The following ADGRE1 variants were observed in gnomAD, a reference collection of about 807,000 sequenced individuals.
ADGRE1 encodes the protein EGF-like module receptor 1.
ADGRE1 carries 82 observed loss-of-function variants against 102.7 expected under a neutral mutation model. That is an observed-to-expected ratio of 0.80 (90% confidence interval 0.67 to 0.96). ADGRE1 has a LOEUF of 0.96. ADGRE1 is among the 40% of genes least tolerant of loss of function. The pLI is 0.00. For synonymous variants in ADGRE1, 398 were observed against 399.6 expected (o/e 1.00, Z 0.05); for missense variants, 1,032 against 1,085.3 (o/e 0.95, Z 0.69).
In ADGRE1 at chr19:6,916,291, A is replaced by C; in HGVS notation, c.1343A>C (p.Asn448Thr). 1 of 1,613,590 alleles carries C rather than the reference A, an allele frequency of 6.2e-7. No homozygotes were observed. Among genetic ancestry groups the C allele is most frequent in the Non-Finnish European group, 8.5e-7 (1 of 1,179,684 alleles). Residue 448 changes from asparagine to threonine, a missense_variant, in exon 12 of 21, where the codon AAT (asparagine) becomes ACT (threonine). Transcript: ENST00000312053. ...ATCAACAAAGAATGCAGTGAAGAGA[A>C]TGTGACGTTGGACTTGGTAGCCAAG... ...KVINKECSEENVTLDLVAKGD... is the reference protein window; with the variant it reads ...KVINKECSEETVTLDLVAKGD...
At chr19:6,928,081 A>T (rs1350131859) in intron 16 of ADGRE1, 64 bp from the exon 17 acceptor site, 2 of 1,549,806 alleles carry the variant, frequency 1.3e-6, no homozygotes, top group African/African-American at 2.7e-5. Context: ...ATTTGTTGGG[A>T]CAGGGTTAAC....
At chr19:6,937,458 C>A in intron 19 of ADGRE1, 47 bp downstream of exon 19, 2 of 1,508,814 alleles carry the variant, frequency 1.3e-6, no homozygotes, top group Non-Finnish European at 1.8e-6. Context: ...ATCCCCCTCT[C>A]CCCCCTTCCC....
At chr19:6,930,180 T>C (rs1975079988) in intron 17 of ADGRE1, among the ~76,000 whole-genome samples, 1 of 152,222 alleles carries the variant, frequency 6.6e-6, no homozygotes, top group African/African-American at 2.4e-5. Flanking sequence ...TTTTAAATCC[T>C]ATGTCATCTC....
chr19:6,913,891 G>A, intron 11 of ADGRE1, 61 bp downstream of exon 11: 1 of 1,486,456 alleles, frequency 6.7e-7, no homozygotes, highest in Non-Finnish European at 9.0e-7. Flanking sequence ...GTTGACTTTG[G>A]CAATGGGATA....
intron 2 of ADGRE1, among the ~76,000 whole-genome samples, chr19:6,893,542 A>G (rs559444402): frequency 2.0e-5 from 3 of 152,296 alleles, no homozygotes; most frequent in African/African-American, 7.2e-5. Flanking sequence ...TCTATTGAGT[A>G]CATATACGAC....
chr19:6,934,912 T>G (rs184966011), intron 17 of ADGRE1, 75 bp from the exon 18 acceptor site: 2 of 1,044,624 alleles, frequency 1.9e-6, no homozygotes, highest in African/African-American at 1.7e-5. Context: ...CAGCCCAGAG[T>G]TCTCTTTTTA....
intron 17 of ADGRE1, among the ~76,000 whole-genome samples, chr19:6,931,456 C>T (rs942605994): frequency 1.3e-5 from 2 of 152,194 alleles, no homozygotes; most frequent in Admixed American, 6.5e-5. Flanking sequence ...CCCATGACAA[C>T]ACGAGGGAGG....
chr19:6,917,209 C>G (rs1486346051), intron 12 of ADGRE1, among the ~76,000 whole-genome samples: 2 of 152,150 alleles, frequency 1.3e-5, no homozygotes, highest in Non-Finnish European at 2.9e-5. Flanking sequence ...TTTTCCAGCC[C>G]CTGATCTGAT....
At chr19:6,917,194 C>T (rs1974423183) in intron 12 of ADGRE1, among the ~76,000 whole-genome samples, 1 of 152,152 alleles carries the variant, frequency 6.6e-6, no homozygotes. Context: ...GCCCATAGGC[C>T]ACAGTTTTCC....
intron 20 of ADGRE1, among the ~76,000 whole-genome samples, chr19:6,938,427 G>T (rs989116417): frequency 6.6e-6 from 1 of 151,754 alleles, no homozygotes; most frequent in Non-Finnish European, 1.5e-5. Flanking sequence ...TATATATGTA[G>T]ATTTTCAGGA....
intron 13 of ADGRE1, among the ~76,000 whole-genome samples, chr19:6,920,455 G>A (rs1474390500): frequency 6.7e-5 from 10 of 148,696 alleles, no homozygotes; most frequent in African/African-American, 2.5e-4. Flanking sequence ...TCCTGACCTC[G>A]TGATCCGCCC....
intron 14 of ADGRE1, among the ~76,000 whole-genome samples, chr19:6,924,319 C>G (rs527538279): frequency 6.6e-6 from 1 of 152,080 alleles, no homozygotes; most frequent in Non-Finnish European, 1.5e-5. Flanking sequence ...TCCTGTCTGC[C>G]GAAAGCTGAT....
chr19:6,939,976 G>A (rs776203888), intron 20 of ADGRE1, 48 bp from the exon 21 acceptor site: 1 of 1,609,152 alleles, frequency 6.2e-7, no homozygotes, highest in Non-Finnish European at 8.5e-7. Context: ...AATCACGTTT[G>A]TATTAATTCT....
intron 12 of ADGRE1, among the ~76,000 whole-genome samples, chr19:6,918,371 G>A (rs1007778091): frequency 6.6e-6 from 1 of 152,042 alleles, no homozygotes; most frequent in Non-Finnish European, 1.5e-5. Flanking sequence ...AACCCGGAAG[G>A]CAGACGTTGC....
At chr19:6,893,476 C>T (rs574252517) in intron 2 of ADGRE1, among the ~76,000 whole-genome samples, 173 of 152,352 alleles carry the variant, frequency 1.1e-3, no homozygotes, top group African/African-American at 3.7e-3. Flanking sequence ...GCTGGGATTA[C>T]AGGCGTGAGC....
chr19:6,932,394 G>A (rs928668622), intron 17 of ADGRE1, among the ~76,000 whole-genome samples: 5 of 152,162 alleles, frequency 3.3e-5, no homozygotes, highest in Admixed American at 2.0e-4. Flanking sequence ...CGTGAACCTG[G>A]GCGGTGGAGC....
intron 8 of ADGRE1, among the ~76,000 whole-genome samples, chr19:6,905,855 C>T (rs908161648): frequency 3.3e-5 from 5 of 152,030 alleles, no homozygotes; most frequent in African/African-American, 9.7e-5. Context: ...TCATCAATGT[C>T]GCTGGTTCTC....
At chr19:6,898,607 G>T in intron 5 of ADGRE1, 2 of 1,450,378 alleles carry the variant, frequency 1.4e-6, no homozygotes, top group Non-Finnish European at 1.9e-6. Flanking sequence ...TCCCTCACCA[G>T]CAGCGTCTGC....
chr19:6,937,530 G>C lies in ADGRE1; in HGVS notation c.2551-14G>C. On this transcript the variant is annotated splice_polypyrimidine_tract_variant and intron_variant, in intron 19 of 20. Coordinates refer to ENST00000312053, the MANE Select transcript of ADGRE1 (RefSeq NM_001974.5). ...CCATTTCCCTGCATCTGGATGATGT[G>C]TCTCCTTCTCCAGGTACGAGAAGAA... 2 of 1,608,186 alleles carry C rather than the reference G, an allele frequency of 1.2e-6. No individual in the cohort carries two copies. The highest frequency in any genetic ancestry group is 1.7e-6 in the Non-Finnish European group (2 of 1,177,582).
Sources: gnomAD v4.1 joint callset for allele counts (sites outside exome capture counted in the v4.1 genomes callset) on GRCh38, gnomAD v4.1.1 for gene constraint, MANE v1.5 for transcripts, NCBI Gene and HGNC (gene_info 2026-07-23, HGNC 2026-07-21) for gene names.